Variants in SLCO5A1 observed in about 807,000 individuals in gnomAD.
SLCO5A1 encodes the protein organic anion transporter polypeptide-related protein 4.
In SLCO5A1, 39 loss-of-function variants were observed where a neutral mutation model predicts 65.1. The ratio of observed to expected loss-of-function variants is 0.60; its 90% CI spans 0.46 to 0.78. SLCO5A1 has a LOEUF of 0.78. Ranked by LOEUF, SLCO5A1 falls within the 30% of genes least tolerant of loss-of-function variation. The pLI is 0.00. For missense variants in SLCO5A1, 1,029 were observed against 1,069.4 expected, an observed-to-expected ratio of 0.96 and a Z score of 0.53; for synonymous variants, 438 against 415.7, an observed-to-expected ratio of 1.05 and a Z score of -0.65.
chr8:69,681,950 A>G (rs1813796448), intron 7 of SLCO5A1, among the ~76,000 whole-genome samples: 1 of 152,178 alleles, frequency 6.6e-6, no homozygotes, highest in Admixed American at 6.5e-5. Flanking sequence ...AAAGTAGGAG[A>G]AGGCTGATAT....
chr8:69,804,259 A>G (rs1049123315), intron 2 of SLCO5A1, among the ~76,000 whole-genome samples: 1 of 152,276 alleles, frequency 6.6e-6, no homozygotes, highest in South Asian at 2.1e-4. Flanking sequence ...TCTAAAATCT[A>G]TACCTTAAAA....
At chr8:69,714,429 T>C (rs1815418824) in intron 5 of SLCO5A1, among the ~76,000 whole-genome samples, 3 of 152,182 alleles carry the variant, frequency 2.0e-5, no homozygotes, top group African/African-American at 7.2e-5. Context: ...GTAGAAGAAC[T>C]TACAGTAAGT....
At chr8:69,815,965 C>T (rs756817796) in intron 2 of SLCO5A1, among the ~76,000 whole-genome samples, 3 of 152,130 alleles carry the variant, frequency 2.0e-5, no homozygotes, top group African/African-American at 4.8e-5. Context: ...TTTCTACTTC[C>T]TATCCCTTGC....
intron 2 of SLCO5A1, among the ~76,000 whole-genome samples, chr8:69,818,594 G>A (rs1820502052): frequency 6.6e-6 from 1 of 152,204 alleles, no homozygotes. Flanking sequence ...GCTGATCTCT[G>A]TTATTTGTGG....
Position 69,705,041 on chromosome 8 carries a change from A to G in SLCO5A1, c.1612T>C (p.Tyr538His). The G allele has an allele frequency of 6.2e-7, 1 of 1,612,010 alleles. No homozygotes were observed. The part of the protein sequence containing the change: ...SINLGGINIP[Y>H]TTGPSLTMPH... ...TTAAGAGGTACTTACCCTGTTGTAT[A>G]AGGGATGTTTATGCCCCCTAGATTA... The change falls in exon 6 of 10, where the codon TAT (tyrosine) becomes CAT (histidine). Residue 538 changes from tyrosine to histidine, a missense_variant. Around this residue, in one of 3 missense-constraint regions of SLCO5A1, gnomAD observed 124 missense variants for 184.5 expected, o/e 0.67. Transcript: ENST00000260126.
In SLCO5A1 at chr8:69,672,975, A is replaced by G. The variant is rs376407579; in HGVS notation, c.2441T>C (p.Ile814Thr). Reference protein sequence around the residue: ...FHEETGLQKGIQCAAQTYPGP... With the variant: ...FHEETGLQKGTQCAAQTYPGP... ...CGGGTAGGTCTGTGCTGCGCACTGG[A>G]TCCCTTTTTGCAGGCCAGTCTCTTC... The change falls in exon 10 of 10, where the codon ATC (isoleucine) becomes ACC (threonine). Residue 814 changes from isoleucine to threonine, a missense_variant. By Grantham distance (89) the Ile-to-Thr change is moderately conservative (BLOSUM62 -1). Coordinates refer to ENST00000260126, the MANE Select transcript of SLCO5A1 (RefSeq NM_030958.3). 6.2e-6 allele frequency: 10 copies of G among 1,614,028 alleles called. No individual in the cohort carries two copies. In the African/African-American group the frequency reaches 1.3e-4, roughly 22 times the overall value.
chr8:69,825,975 G>A (rs1472967589), intron 2 of SLCO5A1, among the ~76,000 whole-genome samples: 1 of 152,144 alleles, frequency 6.6e-6, no homozygotes, highest in African/African-American at 2.4e-5. Context: ...AAATAACGCT[G>A]CATATCTACA....
In SLCO5A1 at chr8:69,672,649, GCTGAACGTCTC is replaced by G. The variant is rs1438279380; in HGVS notation, c.*209_*219del. 1 of 570,124 alleles carries G rather than the reference GCTGAACGTCTC, an allele frequency of 1.8e-6. No individual in the cohort carries two copies. Among genetic ancestry groups the G allele is most frequent in the East Asian group, 2.9e-5 (1 of 34,516 alleles). 35.3% of individuals were successfully genotyped at this position (570,124 alleles called of 1,614,324 possible). A position where few individuals can be genotyped will look rare whatever the true frequency, so the allele number is the denominator to read the frequency against. ...CACAACGGAAATGGGAACAAATCTAGCTGAACGTCTCCTTCTTGGAGAGAAGCGGGGAAAGG... is the reference window on the plus strand; with the variant it reads ...CACAACGGAAATGGGAACAAATCTAGCTTCTTGGAGAGAAGCGGGGAAAGG... On this transcript the variant is annotated 3_prime_UTR_variant, in exon 10 of 10. Coordinates refer to ENST00000260126, the MANE Select transcript of SLCO5A1 (RefSeq NM_030958.3).
chr8:69,761,539 G>T lies in SLCO5A1; in HGVS notation c.1040+204C>A, dbSNP rs149920184. On this transcript the variant is annotated intron_variant, in intron 3 of 9. Coordinates refer to ENST00000260126, the MANE Select transcript of SLCO5A1 (RefSeq NM_030958.3). Reference sequence around the variant, plus strand: ...TAATCACATCTGCAAAGTCCCTCTTGCCATGTAAGATAACATATTCATAGG... The same window carrying T: ...TAATCACATCTGCAAAGTCCCTCTTTCCATGTAAGATAACATATTCATAGG... 1.5e-3 allele frequency: 845 copies of T among 563,314 alleles called. 5 individuals carry two copies. In the East Asian group the frequency reaches 0.019, roughly 12 times the overall value. The allele number at this position is 563,314 out of a possible 1,614,324, so 34.9% of individuals were successfully genotyped here.
chr8:69,823,360 C>G (rs1364064263), intron 2 of SLCO5A1, among the ~76,000 whole-genome samples: 1 of 152,158 alleles, frequency 6.6e-6, no homozygotes, highest in Non-Finnish European at 1.5e-5. Flanking sequence ...CATCAGTGTG[C>G]TGTATTCAGG....
At position 69,832,654 on chromosome 8, in the gene SLCO5A1, A is replaced by C. The variant is rs769567540; in HGVS notation, c.20T>G (p.Leu7Arg). 6 of 1,603,936 alleles carry C rather than the reference A, an allele frequency of 3.7e-6. No homozygotes were observed. The South Asian group carries it at 6.6e-5, about 18-fold the overall frequency. Reference sequence around the variant, plus strand: ...CAGCTGCTCTCCCGCCCCGGGCTGCAGTCCAGTGCCTTCGTCCATGGCGCT... The same window carrying C: ...CAGCTGCTCTCCCGCCCCGGGCTGCCGTCCAGTGCCTTCGTCCATGGCGCT... MDEGTG[L>R]QPGAGEQLEA... The change falls in exon 2 of 10, where the codon CTG becomes CGG. Residue 7 changes from leucine to arginine, a missense_variant. Physicochemically the swap from Leu to Arg is moderately radical, Grantham distance 102. Coordinates refer to ENST00000260126, the MANE Select transcript of SLCO5A1 (RefSeq NM_030958.3). This position sits in a 1 kb window ranked among gnomAD's most constrained non-coding sequence, Gnocchi z 4.5.
At chr8:69,704,715 C>T (rs2130809923) in intron 6 of SLCO5A1, among the ~76,000 whole-genome samples, 1 of 152,318 alleles carries the variant, frequency 6.6e-6, no homozygotes, top group African/African-American at 2.4e-5. Flanking sequence ...GCTACAGAAA[C>T]ACATATTCCC....
intron 2 of SLCO5A1, among the ~76,000 whole-genome samples, chr8:69,793,453 C>CT (rs1387174171): frequency 4.6e-5 from 7 of 151,494 alleles, no homozygotes; most frequent in African/African-American, 1.7e-4. Flanking sequence ...CTTTTTTTTC[C>CT]TATGTCAATA....
chr8:69,785,791 A>G (rs539124505), intron 2 of SLCO5A1, among the ~76,000 whole-genome samples: 1 of 152,340 alleles, frequency 6.6e-6, no homozygotes, highest in East Asian at 1.9e-4. Flanking sequence ...CAAACCATCC[A>G]AAAGAAATCA....
chr8:69,822,529 TTTC>T (rs1306798626), intron 2 of SLCO5A1, among the ~76,000 whole-genome samples: 4 of 152,218 alleles, frequency 2.6e-5, no homozygotes. Flanking sequence ...CCATGCAATG[TTTC>T]TTTTCTTTTT....
At chr8:69,697,846 CTTGTTTGT>C (rs1050574061) in intron 6 of SLCO5A1, among the ~76,000 whole-genome samples, 1 of 151,824 alleles carries the variant, frequency 6.6e-6, no homozygotes, top group Admixed American at 6.6e-5. Context: ...TTTATTTTTA[CTTGTTTGT>C]TTGTTTCAAT....
At chr8:69,814,400 A>C (rs1171938297) in intron 2 of SLCO5A1, among the ~76,000 whole-genome samples, 3 of 152,172 alleles carry the variant, frequency 2.0e-5, no homozygotes, top group Admixed American at 2.0e-4. Flanking sequence ...CATACAAATG[A>C]CCACCAGACA....
chr8:69,756,010 T>C (rs1817527386), intron 3 of SLCO5A1, among the ~76,000 whole-genome samples: 1 of 152,000 alleles, frequency 6.6e-6, no homozygotes, highest in African/African-American at 2.4e-5. Flanking sequence ...ATGTAGACAA[T>C]AGCATGTTAT....
chr8:69,688,790 A>G (rs1308733511), intron 6 of SLCO5A1, among the ~76,000 whole-genome samples: 2 of 152,180 alleles, frequency 1.3e-5, no homozygotes, highest in African/African-American at 4.8e-5. Context: ...TAGTCCCGCA[A>G]TAAACATACG....
Sources: allele counts gnomAD v4.1 joint callset (sites outside exome capture counted in the v4.1 genomes callset), GRCh38; gene constraint gnomAD v4.1.1; regional missense constraint gnomAD v4.1.1; non-coding constraint Gnocchi (gnomAD v3.1); transcripts MANE v1.5; gene names NCBI Gene and HGNC (gene_info 2026-07-23, HGNC 2026-07-21).